The following POLK variants were observed in gnomAD, a reference collection of about 807,000 sequenced individuals.
The protein encoded by POLK is polymerase (DNA directed) kappa.
In POLK, 76 loss-of-function variants were observed where a neutral mutation model predicts 94.0. The ratio of observed to expected loss-of-function variants is 0.81; its 90% CI spans 0.67 to 0.98. The LOEUF is 0.98. POLK is among the 50% of genes least tolerant of loss of function. The probability of loss-of-function intolerance (pLI) is 0.00; values close to 1 mark genes in which losing one functional copy is unlikely to be tolerated. For synonymous variants in POLK, 349 were observed against 325.4 expected (o/e 1.07, Z -0.78); for missense variants, 954 against 1,010.1 (o/e 0.94, Z 0.75).
intron 1 of POLK, among the ~76,000 whole-genome samples, chr5:75,515,864 G>A (rs75376232): frequency 1.3e-5 from 2 of 152,100 alleles, no homozygotes; most frequent in East Asian, 1.9e-4. Flanking sequence ...TAAAACTAGC[G>A]TGGGCAACGT....
intron 3 of POLK, among the ~76,000 whole-genome samples, chr5:75,566,765 C>T (rs985905973): frequency 3.9e-5 from 6 of 152,176 alleles, no homozygotes; most frequent in African/African-American, 7.2e-5. Flanking sequence ...AATCACCTGC[C>T]TTCTGCCTTG....
At chr5:75,529,463 G>A (rs1307932559) in intron 1 of POLK, among the ~76,000 whole-genome samples, 2 of 151,986 alleles carry the variant, frequency 1.3e-5, no homozygotes, top group East Asian at 1.9e-4. Context: ...GAGATTTGGA[G>A]AGGAACACAC....
chr5:75,594,122 A>T, intron 12 of POLK, 73 bp downstream of exon 12: 1 of 1,128,758 alleles, frequency 8.9e-7, no homozygotes, highest in Middle Eastern at 3.0e-4. Context: ...TTGGGAATAC[A>T]GGGGGCCCCC....
intron 3 of POLK, among the ~76,000 whole-genome samples, chr5:75,566,601 G>T (rs545632705): frequency 6.6e-6 from 1 of 152,154 alleles, no homozygotes; most frequent in Admixed American, 6.5e-5. Flanking sequence ...AGTCCCTCAC[G>T]GCTTCCCTTG....
chr5:75,592,063 C>T (rs1336654335), intron 11 of POLK, among the ~76,000 whole-genome samples: 1 of 152,182 alleles, frequency 6.6e-6, no homozygotes, highest in Non-Finnish European at 1.5e-5. Context: ...CCAGGGGATA[C>T]TAAAATATAC....
intron 1 of POLK, among the ~76,000 whole-genome samples, chr5:75,535,898 C>G (rs1485175467): frequency 1.3e-5 from 2 of 152,130 alleles, no homozygotes; most frequent in Non-Finnish European, 2.9e-5. Context: ...TTTTGACTGT[C>G]TCCTATATGT....
intron 1 of POLK, among the ~76,000 whole-genome samples, chr5:75,523,452 T>A (rs914648668): frequency 1.3e-5 from 2 of 152,222 alleles, no homozygotes; most frequent in African/African-American, 4.8e-5. Flanking sequence ...TATGCAGTAA[T>A]ATTTACCTTA....
exon 15 of POLK, chr5:75,598,677 AC>A (rs1270883822): frequency 6.6e-6 from 1 of 152,404 alleles, no homozygotes; most frequent in Non-Finnish European, 1.5e-5. Context: ...TTAATACAGG[AC>A]TTTTAAATGG....
chr5:75,546,593 G>A (rs1241521737), intron 1 of POLK, among the ~76,000 whole-genome samples: 4 of 151,654 alleles, frequency 2.6e-5, no homozygotes, highest in South Asian at 2.1e-4. Context: ...GATGCATAAC[G>A]GATGTACATG....
At chr5:75,584,579 A>G (rs1772364176) in intron 8 of POLK, among the ~76,000 whole-genome samples, 181 bp from the exon 9 acceptor site, 2 of 152,040 alleles carry the variant, frequency 1.3e-5, no homozygotes, top group South Asian at 2.1e-4. Flanking sequence ...AAGGCAGGAG[A>G]ATCGCTTGAA....
intron 10 of POLK, among the ~76,000 whole-genome samples, chr5:75,587,568 T>C (rs965317283): frequency 6.6e-6 from 1 of 152,216 alleles, no homozygotes; most frequent in Non-Finnish European, 1.5e-5. Context: ...AAGTCATTGT[T>C]TGAAACATCC....
At chr5:75,531,527 GC>G (rs1266828914) in intron 1 of POLK, among the ~76,000 whole-genome samples, 1 of 152,132 alleles carries the variant, frequency 6.6e-6, no homozygotes, top group Non-Finnish European at 1.5e-5. Flanking sequence ...GGGTGTGGTG[GC>G]TCACGCCTGT....
intron 8 of POLK, 57 bp from the exon 9 acceptor site, chr5:75,584,703 C>T: frequency 9.8e-7 from 1 of 1,019,604 alleles, no homozygotes. Flanking sequence ...AGGTTGTAAT[C>T]TCAATTTTTA....
downstream of POLK, among the ~76,000 whole-genome samples, chr5:75,605,111 A>G (rs1245811196): frequency 1.2e-5 from 1 of 83,158 alleles, no homozygotes; most frequent in African/African-American, 5.3e-5. Context: ...TCTTTCCTGT[A>G]TACACATACA....
chr5:75,568,358 C>G (rs1035670928), intron 3 of POLK, among the ~76,000 whole-genome samples: 2 of 152,162 alleles, frequency 1.3e-5, no homozygotes, highest in African/African-American at 4.8e-5. Flanking sequence ...TAGATCACAA[C>G]TATTACACAG....
chr5:75,602,674 C>T (rs946904887), downstream of POLK, among the ~76,000 whole-genome samples: 2 of 152,146 alleles, frequency 1.3e-5, no homozygotes, highest in Non-Finnish European at 2.9e-5. Flanking sequence ...ATGGGCTATG[C>T]GTTTTGAATA....
rs1423281797 is a variant in POLK at position 75,562,700 on chromosome 5, T to C, written c.256-6640T>C. On this transcript the variant is annotated intron_variant, in intron 3 of 14. Coordinates refer to ENST00000241436, the Ensembl canonical transcript of POLK. ...ATACGTTCCATCAATACCTAGTTTA[T>C]TGAGAGTTTTTAGCATGAAGGGGTG... Among the ~76,000 whole-genome samples, 4 of 152,212 alleles carry C rather than the reference T, an allele frequency of 2.6e-5. No individual in the cohort carries two copies. In the East Asian group the frequency reaches 7.7e-4, roughly 29 times the overall value.
upstream of POLK, chr5:75,511,118 G>A (rs540210506): frequency 7.4e-5 from 117 of 1,583,978 alleles, no homozygotes; most frequent in East Asian, 2.6e-3. Flanking sequence ...TCACCTTACT[G>A]AGGACCCCGC....
chr5:75,572,664 A>G (rs1771655004), intron 4 of POLK, among the ~76,000 whole-genome samples: 1 of 152,182 alleles, frequency 6.6e-6, no homozygotes, highest in Non-Finnish European at 1.5e-5. Context: ...TTATTAGCAC[A>G]GTCTTGCTTA....
Sources: gnomAD v4.1 joint callset for allele counts (sites outside exome capture counted in the v4.1 genomes callset) on GRCh38, gnomAD v4.1.1 for gene constraint, MANE v1.5 for transcripts, NCBI Gene and HGNC (gene_info 2026-07-23, HGNC 2026-07-21) for gene names.